The following ATAD3B variants were observed in gnomAD, a reference collection of about 807,000 sequenced individuals.
The protein encoded by ATAD3B is ATPase family AAA domain containing 3B.
In ATAD3B, 59 loss-of-function variants were observed where a neutral mutation model predicts 70.2. The observed-to-expected ratio is 0.84, with a 90% CI of 0.68 to 1.04. The LOEUF (loss-of-function observed/expected upper bound fraction) is 1.04, where lower values mean the gene tolerates loss of function less well. ATAD3B is among the 50% of genes least tolerant of loss of function. The pLI, the probability that ATAD3B is intolerant of heterozygous loss-of-function variation, is 0.00. For missense variants in ATAD3B, 961 were observed against 913.4 expected (o/e 1.05, Z -0.67); for synonymous variants, 423 against 388.6 (o/e 1.09, Z -1.04).
intron 1 of ATAD3B, among the ~76,000 whole-genome samples, chr1:1,473,007 G>C (rs1357228396): frequency 1.3e-5 from 2 of 148,700 alleles, no homozygotes; most frequent in Admixed American, 6.8e-5. Flanking sequence ...TGTATCTTTA[G>C]TAGAGACGGG....
At chr1:1,482,954 T>C (rs1640001435) in intron 7 of ATAD3B, 3 of 488,672 alleles carry the variant, frequency 6.1e-6, no homozygotes, top group South Asian at 3.1e-5. Context: ...TGAGCCAACA[T>C]TGCACCACTG....
downstream of ATAD3B, among the ~76,000 whole-genome samples, chr1:1,499,899 T>TC (rs1640907876): frequency 6.7e-6 from 1 of 149,962 alleles, no homozygotes; most frequent in Non-Finnish European, 1.5e-5. Context: ...CAGCCTTTTT[T>TC]TTTTTTTCTT....
chr1:1,503,709 C>G, the ATAD3B span: 2 of 1,602,522 alleles, frequency 1.2e-6, no homozygotes, highest in South Asian at 2.2e-5. Flanking sequence ...ACATGGGGTT[C>G]GGGCATGGAG....
At chr1:1,507,621 G>A in the ATAD3B span, among the ~76,000 whole-genome samples, 3 of 152,270 alleles carry the variant, frequency 2.0e-5, no homozygotes, top group East Asian at 3.9e-4. Context: ...CTTTCCCAGT[G>A]ATGCTCATCA....
intron 11 of ATAD3B, 129 bp downstream of exon 11, chr1:1,486,797 G>A: frequency 8.1e-6 from 12 of 1,486,150 alleles, no homozygotes; most frequent in Non-Finnish European, 8.9e-6. Flanking sequence ...CCACGCAGGA[G>A]GCCCAATGGA....
intron 15 of ATAD3B, among the ~76,000 whole-genome samples, chr1:1,494,986 C>T (rs540446579): frequency 1.3e-4 from 20 of 152,196 alleles, no homozygotes; most frequent in South Asian, 6.2e-4. Context: ...CTCCAGCCTC[C>T]GTGTGCTCAA....
chr1:1,482,781 G>A (rs554889633), intron 7 of ATAD3B, 167 bp downstream of exon 7: 18 of 1,122,074 alleles, frequency 1.6e-5, no homozygotes, highest in Admixed American at 1.4e-4. Flanking sequence ...CTCCCTCCTT[G>A]AGCTGGGAGA....
chr1:1,485,756 T>A, intron 8 of ATAD3B, 26 bp from the exon 9 acceptor site: 1 of 1,612,112 alleles, frequency 6.2e-7, no homozygotes, highest in South Asian at 1.1e-5. Flanking sequence ...GGTGACCCAA[T>A]GGTGCTTCCC....
At chr1:1,509,185 G>C in the ATAD3B span, 22 of 1,611,458 alleles carry the variant, frequency 1.4e-5, no homozygotes, top group African/African-American at 2.7e-5. Context: ...GCCTCCCTCA[G>C]CTCCCTCTCT....
At chr1:1,502,182 A>G (rs1160691988), downstream of ATAD3B, among the ~76,000 whole-genome samples, 5 of 144,920 alleles carry the variant, frequency 3.5e-5, no homozygotes, top group South Asian at 4.4e-4. Flanking sequence ...GGCCTCTAGT[A>G]TAGGTTTTAA....
chr1:1,480,570 C>G (rs1639858153), intron 4 of ATAD3B, among the ~76,000 whole-genome samples: 1 of 147,592 alleles, frequency 6.8e-6, no homozygotes, highest in East Asian at 2.0e-4. Context: ...TTCCTTAAGC[C>G]CAGCCTGAAT....
chr1:1,500,037 A>G (rs1640910973), downstream of ATAD3B, among the ~76,000 whole-genome samples: 1 of 151,232 alleles, frequency 6.6e-6, no homozygotes, highest in South Asian at 2.1e-4. Flanking sequence ...AGCTGGGACT[A>G]TAGGCACAGG....
chr1:1,506,549 C>T, the ATAD3B span, among the ~76,000 whole-genome samples: 6 of 152,140 alleles, frequency 3.9e-5, no homozygotes, highest in African/African-American at 9.6e-5. Flanking sequence ...GCGTGGGCCA[C>T]GGCGCCCGGC....
Position 1,489,246 on chromosome 1 carries a change from C to T in ATAD3B, c.1309C>T (p.Leu437=), listed in dbSNP as rs1174816379. Residue 437 remains leucine, a synonymous_variant, in exon 13 of 16, where the codon CTG becomes TTG. Transcript: ENST00000673477. ...KDLRATLNAF[L]YHMGQHSNKF... is the part of the protein sequence containing the mutation. ...CCTCAGAGCCACACTGAACGCCTTC[C>T]TGTACCACATGGGCCAACACAGCAA... is the stretch of plus-strand genomic sequence containing the variant. The T allele has an allele frequency of 1.2e-6, 2 of 1,613,642 alleles. No individual in the cohort carries two copies. The highest frequency in any genetic ancestry group is 2.2e-5 in the East Asian group (1 of 44,882).
Position 1,490,430 on chromosome 1 carries a change from T to C in ATAD3B, c.1505+6T>C. Reference sequence around the variant, plus strand: ...CCGGCCACAGAAGGAAAACGGTGAGTGTCCCGCCTCACCCGGCCCCCAATC... The same window carrying C: ...CCGGCCACAGAAGGAAAACGGTGAGCGTCCCGCCTCACCCGGCCCCCAATC... On this transcript the variant is annotated splice_donor_region_variant and intron_variant, in intron 14 of 15. Transcript: ENST00000673477. The C allele has an allele frequency of 6.2e-7, 1 of 1,612,970 alleles. No individual in the cohort carries two copies. The highest frequency in any genetic ancestry group is 8.5e-7 in the Non-Finnish European group (1 of 1,179,522).
At chr1:1,487,244 C>G (rs1329775291) in intron 11 of ATAD3B, among the ~76,000 whole-genome samples, 1 of 151,924 alleles carries the variant, frequency 6.6e-6, no homozygotes, top group African/African-American at 2.4e-5. Context: ...TAATCCCAGA[C>G]TTTCGGAGGC....
In ATAD3B at chr1:1,496,118, C is replaced by G; in HGVS notation, c.*301C>G. 8.7e-7 allele frequency: 1 copy of G among 1,154,072 alleles called. No homozygotes were observed. The highest frequency in any genetic ancestry group is 1.1e-6 in the Non-Finnish European group (1 of 934,932). 71.5% of individuals were successfully genotyped at this position (1,154,072 alleles called of 1,614,324 possible). A position where few individuals can be genotyped will look rare whatever the true frequency, so the allele number is the denominator to read the frequency against. On this transcript the variant is annotated 3_prime_UTR_variant, in exon 16 of 16. Transcript: ENST00000673477. ...GGGCCACGGAACCCGGCAGGGGTGTCTGAGGCCGCCCTGTCAGCTGGCCGG... is the reference window on the plus strand; with the variant it reads ...GGGCCACGGAACCCGGCAGGGGTGTGTGAGGCCGCCCTGTCAGCTGGCCGG...
At chr1:1,482,051 G>A (rs1639936588) in intron 5 of ATAD3B, 87 bp from the exon 6 acceptor site, 1 of 1,527,144 alleles carries the variant, frequency 6.5e-7, no homozygotes, top group Non-Finnish European at 8.8e-7. Context: ...GCGTGGGCCG[G>A]TCCGTGGCGT....
rs1557812188 is a variant in ATAD3B, at chr1:1,489,238, A to AC, written c.1302dup (p.Ala435ArgfsTer23). The AC allele has an allele frequency of 6.2e-7, 1 of 1,613,426 alleles. No homozygotes were observed. Among genetic ancestry groups the AC allele is most frequent in the African/African-American group, 1.3e-5 (1 of 74,900 alleles). ...AGCAAGGACCTCAGAGCCACACTGA[A>AC]CGCCTTCCTGTACCACATGGGCCAA... On this transcript the variant is annotated frameshift_variant, in exon 13 of 16. Coordinates refer to ENST00000673477, the MANE Select transcript of ATAD3B (RefSeq NM_031921.6). LOFTEE classifies it high-confidence loss of function.
Sources: allele counts gnomAD v4.1 joint callset (sites outside exome capture counted in the v4.1 genomes callset), GRCh38; gene constraint gnomAD v4.1.1; transcripts MANE v1.5; gene names NCBI Gene and HGNC (gene_info 2026-07-23, HGNC 2026-07-21).